Variants in PCDHGB3 observed in about 807,000 individuals in gnomAD.
PCDHGB3 encodes the protein protocadherin gamma subfamily B, 3.
PCDHGB3 carries 40 observed loss-of-function variants against 59.2 expected under a neutral mutation model. That is an observed-to-expected ratio of 0.68 (90% CI 0.52 to 0.88). The LOEUF is 0.88. Among genes scored for constraint, PCDHGB3 ranks in the 40% least tolerant of loss-of-function variants. The pLI, the probability that PCDHGB3 is intolerant of heterozygous loss-of-function variation, is 0.00. For missense variants in PCDHGB3, 1,309 were observed against 1,187.9 expected (o/e 1.10, Z -1.50); for synonymous variants, 581 against 503.6 (o/e 1.15, Z -2.06).
At position 141,371,078 on chromosome 5, in the gene PCDHGB3, C is replaced by G. The variant is rs776361776; in HGVS notation, c.684C>G (p.Ile228Met). ...GEPSRSCTTQ[I>M]RVIVADANDN... Reference sequence around the variant, plus strand: ...CCTCCAGAAGCTGTACCACCCAGATCAGGGTAATTGTCGCAGATGCAAATG... The same window carrying G: ...CCTCCAGAAGCTGTACCACCCAGATGAGGGTAATTGTCGCAGATGCAAATG... Residue 228 changes from isoleucine (I) to methionine (M), a missense_variant, in exon 1 of 4, where the codon ATC (isoleucine) becomes ATG (methionine). Transcript: ENST00000576222. 7 of 1,613,888 alleles carry G rather than the reference C, an allele frequency of 4.3e-6. No individual in the cohort carries two copies. Among genetic ancestry groups the G allele is most frequent in the Non-Finnish European group, 5.9e-6 (7 of 1,179,824 alleles).
intron 1 of PCDHGB3, chr5:141,421,262 GGCT>G (rs748368476): frequency 2.1e-5 from 34 of 1,608,226 alleles, no homozygotes; most frequent in Admixed American, 5.1e-5. Flanking sequence ...GACCGCAGTC[GGCT>G]GCTGCTGCTG....
chr5:141,421,195 G>C (rs1305388921), intron 1 of PCDHGB3: 2 of 1,504,878 alleles, frequency 1.3e-6, no homozygotes, highest in Non-Finnish European at 1.8e-6. Context: ...CAACCAGCTC[G>C]AGAAACCGCG....
intron 1 of PCDHGB3, chr5:141,377,467 A>C (rs1170946460): frequency 6.6e-6 from 1 of 152,194 alleles, no homozygotes; most frequent in South Asian, 2.1e-4. Context: ...TGTGTGGCGT[A>C]CACCTGTAGT....
Position 141,370,733 on chromosome 5 carries a change from T to C in PCDHGB3, c.339T>C (p.Pro113=), listed in dbSNP as rs764261281. Residue 113 remains proline (P), a synonymous_variant, in exon 1 of 4, where the codon CCT becomes CCC. Coordinates refer to ENST00000576222, the MANE Select transcript of PCDHGB3 (RefSeq NM_018924.5). ...VLEFEMVAEK[P]LNFFHVTVLI... is the part of the protein sequence containing the mutation. Reference sequence around the variant, plus strand: ...AATTTGAAATGGTTGCTGAAAAGCCTTTAAACTTTTTTCATGTAACTGTGC... The same window carrying C: ...AATTTGAAATGGTTGCTGAAAAGCCCTTAAACTTTTTTCATGTAACTGTGC... The C allele has an allele frequency of 1.2e-4, 186 of 1,613,884 alleles. No homozygotes were observed. The Admixed American group carries it at 1.2e-3, about 10-fold the overall frequency.
chr5:141,410,032 G>C (rs1395086834), intron 1 of PCDHGB3: 5 of 1,613,162 alleles, frequency 3.1e-6, no homozygotes, highest in African/African-American at 1.3e-5. Flanking sequence ...ACGTGCTGCA[G>C]GCCAGTGAGC....
chr5:141,421,766 C>T, intron 1 of PCDHGB3: 2 of 1,613,868 alleles, frequency 1.2e-6, no homozygotes, highest in South Asian at 1.1e-5. Context: ...AATTACTTTT[C>T]CTTGCAACTG....
At position 141,431,007 on chromosome 5, in the gene PCDHGB3, G is replaced by C. The variant is rs149559471; in HGVS notation, c.2415+58198G>C. On this transcript the variant is annotated intron_variant, in intron 1 of 3. Transcript: ENST00000576222. This position sits in a 1 kb window ranked among gnomAD's most constrained non-coding sequence, Gnocchi z 4.8. Reference sequence around the variant, plus strand: ...TTCGCCCTGAATCCGCGCAGCGGCAGCTTGGTCACGGCGGGCAGGATAGAC... The same window carrying C: ...TTCGCCCTGAATCCGCGCAGCGGCACCTTGGTCACGGCGGGCAGGATAGAC... 10 of 1,614,050 alleles carry C rather than the reference G, an allele frequency of 6.2e-6. No homozygotes were observed. The highest frequency in any genetic ancestry group is 8.5e-6 in the Non-Finnish European group (10 of 1,180,018).
Position 141,511,410 on chromosome 5 carries a change from T to TA in PCDHGB3, c.*238dup. On this transcript the variant is annotated 3_prime_UTR_variant, in exon 4 of 4. Coordinates refer to ENST00000576222, the MANE Select transcript of PCDHGB3 (RefSeq NM_018924.5). ...GGAACCCCCATCCAATCAACTGCTG[T>TA]ACCCATGGGGGTAGTGGGGTTACTG... The TA allele has an allele frequency of 1.1e-6, 1 of 908,822 alleles. No homozygotes were observed. The highest frequency in any genetic ancestry group is 1.6e-6 in the Non-Finnish European group (1 of 624,204). 56.3% of individuals were successfully genotyped at this position (908,822 alleles called of 1,614,324 possible).
At chr5:141,482,528 T>C (rs945815289) in intron 1 of PCDHGB3, among the ~76,000 whole-genome samples, 1 of 56,520 alleles carries the variant, frequency 1.8e-5, no homozygotes, top group Non-Finnish European at 2.8e-5. Flanking sequence ...GAGACAGACA[T>C]GCAAAAAAAA....
In PCDHGB3 at chr5:141,370,705, T is replaced by A; in HGVS notation, c.311T>A (p.Leu104Gln). The change falls in exon 1 of 4, where the codon CTG becomes CAG. Residue 104 changes from leucine (L) to glutamine (Q), a missense_variant. By Grantham distance (113) the Leu-to-Gln change is moderately radical (BLOSUM62 -2). Transcript: ENST00000576222. ...TGTGGCAAGAAGTCGACGTGTGTTC[T>A]GGAATTTGAAATGGTTGCTGAAAAG... ...EICGKKSTCV[L>Q]EFEMVAEKPL... 6.2e-7 allele frequency: 1 copy of A among 1,613,842 alleles called. No homozygotes were observed. Among genetic ancestry groups the A allele is most frequent in the Non-Finnish European group, 8.5e-7 (1 of 1,179,894 alleles).
In PCDHGB3 at chr5:141,408,459, T is replaced by A; in HGVS notation, c.2415+35650T>A. 5 of 1,613,950 alleles carry A rather than the reference T, an allele frequency of 3.1e-6. No homozygotes were observed. The East Asian group carries it at 1.1e-4, about 36-fold the overall frequency. Reference sequence around the variant, plus strand: ...GACGCGGAGAGCGGGGACTTACTTGTGAAGAACCGAATAGACCGTGAGCAA... The same window carrying A: ...GACGCGGAGAGCGGGGACTTACTTGAGAAGAACCGAATAGACCGTGAGCAA... On this transcript the variant is annotated intron_variant, in intron 1 of 3. Transcript: ENST00000576222.
In PCDHGB3 at chr5:141,493,103, A is replaced by G. The variant is rs1396614836; in HGVS notation, c.2416-1704A>G. Among the ~76,000 whole-genome samples the G allele has an allele frequency of 6.6e-6, 1 of 152,086 alleles. No homozygotes were observed. The highest frequency in any genetic ancestry group is 1.5e-5 in the Non-Finnish European group (1 of 68,022). On this transcript the variant is annotated intron_variant, in intron 1 of 3. Transcript: ENST00000576222. The surrounding 1 kb of genome is among the most constrained non-coding windows in gnomAD (Gnocchi z 4.3). ...AGGAGCTTTTATTCAAAATATATCA[A>G]TGCCTAACTCTGCTCCTAGGACTGT...
At chr5:141,414,681 G>T (rs780836649) in intron 1 of PCDHGB3, 2 of 1,613,836 alleles carry the variant, frequency 1.2e-6, no homozygotes, top group Non-Finnish European at 8.5e-7. Flanking sequence ...CCATCCAGGG[G>T]GTACCTCTGT....
intron 1 of PCDHGB3, among the ~76,000 whole-genome samples, chr5:141,448,196 A>G (rs753761675): frequency 1.3e-5 from 2 of 152,176 alleles, no homozygotes; most frequent in Non-Finnish European, 2.9e-5. Context: ...TACACTTACA[A>G]ACATTTTCTG....
chr5:141,388,432 A>G (rs760022375), intron 1 of PCDHGB3: 2 of 1,613,878 alleles, frequency 1.2e-6, no homozygotes, highest in Non-Finnish European at 8.5e-7. Context: ...CTGATAAATA[A>G]AGAGAAATCA....
intron 1 of PCDHGB3, chr5:141,478,925 G>T: frequency 1.4e-6 from 1 of 700,562 alleles, no homozygotes; most frequent in Non-Finnish European, 2.2e-6. Context: ...TCTAACCAGT[G>T]GCAGCTTCTA....
Position 141,415,114 on chromosome 5 carries a change from G to A in PCDHGB3, c.2415+42305G>A, listed in dbSNP as rs186848544. On this transcript the variant is annotated intron_variant, in intron 1 of 3. Transcript: ENST00000576222. Reference sequence around the variant, plus strand: ...CAGAGACGCGCTCAAGCAAAGCCTCGTAGTGGCCGTCCAGGACCACGGCCA... The same window carrying A: ...CAGAGACGCGCTCAAGCAAAGCCTCATAGTGGCCGTCCAGGACCACGGCCA... 1.7e-5 allele frequency: 28 copies of A among 1,613,646 alleles called. No homozygotes were observed. In the African/African-American group the frequency reaches 2.7e-4, roughly 15 times the overall value.
In PCDHGB3 at chr5:141,490,673, C is replaced by T; in HGVS notation, c.2416-4134C>T. ...GGCTCCCTTCTTTGCACTGTGGCTG[C>T]CTCAGATCCAGACACTGGGGATAAT... On this transcript the variant is annotated intron_variant, in intron 1 of 3. Coordinates refer to ENST00000576222, the MANE Select transcript of PCDHGB3 (RefSeq NM_018924.5). This position sits in a 1 kb window ranked among gnomAD's most constrained non-coding sequence, Gnocchi z 5.4. 1.2e-6 allele frequency: 2 copies of T among 1,614,126 alleles called. No homozygotes were observed. The highest frequency in any genetic ancestry group is 1.7e-6 in the Non-Finnish European group (2 of 1,179,952).
In PCDHGB3 at chr5:141,393,130, T is replaced by C. The variant is rs752035971; in HGVS notation, c.2415+20321T>C. 19 of 1,613,248 alleles carry C rather than the reference T, an allele frequency of 1.2e-5. No individual in the cohort carries two copies. In the Admixed American group the frequency reaches 2.7e-4, roughly 23 times the overall value. On this transcript the variant is annotated intron_variant, in intron 1 of 3. Transcript: ENST00000576222. ...CAGAGCCCGCGGTGTCTGATAAATA[T>C]TAACACCCTGGTTGAGGATAAAGGA...
Sources: gnomAD v4.1 joint callset for allele counts (sites outside exome capture counted in the v4.1 genomes callset) on GRCh38, gnomAD v4.1.1 for gene constraint, Gnocchi (gnomAD v3.1) non-coding constraint, MANE v1.5 for transcripts, NCBI Gene and HGNC (gene_info 2026-07-23, HGNC 2026-07-21) for gene names.